ZMYM4: variants seen among roughly 807,000 people sequenced by gnomAD.
The protein encoded by ZMYM4 is zinc finger MYM-type protein 4.
A neutral mutation model predicts 183.2 loss-of-function variants in ZMYM4; 31 were observed. The observed-to-expected ratio is 0.17, with a 90% CI of 0.13 to 0.23. The LOEUF is 0.23. Among genes scored for constraint, ZMYM4 ranks in the 10% least tolerant of loss-of-function variants. The pLI is 1.00. For missense variants in ZMYM4, 1,273 were observed against 1,840.3 expected (o/e 0.69, Z 5.64); for synonymous variants, 592 against 631.2 (o/e 0.94, Z 0.93).
chr1:35,349,131 G>T (rs1213973326), intron 2 of ZMYM4, among the ~76,000 whole-genome samples: 1 of 152,112 alleles, frequency 6.6e-6, no homozygotes, highest in African/African-American at 2.4e-5. Flanking sequence ...GAGTGGCTGG[G>T]ATTACAGGCA....
chr1:35,344,255 T>C (rs907586688), intron 2 of ZMYM4, among the ~76,000 whole-genome samples: 1 of 152,006 alleles, frequency 6.6e-6, no homozygotes, highest in African/African-American at 2.4e-5. Context: ...GGTTTCTCCA[T>C]GTTGGCCAGG....
intron 18 of ZMYM4, among the ~76,000 whole-genome samples, chr1:35,395,198 C>A (rs990120177): frequency 7.5e-6 from 1 of 132,786 alleles, no homozygotes; most frequent in Non-Finnish European, 1.7e-5. Flanking sequence ...TGATTTAGTT[C>A]TTTTTTTTTT....
intron 2 of ZMYM4, among the ~76,000 whole-genome samples, chr1:35,347,197 G>C (rs1558048463): frequency 1.3e-5 from 2 of 152,164 alleles, no homozygotes. Flanking sequence ...AGTAGAGACA[G>C]GGTTTCACCA....
chr1:35,405,593 C>T, intron 25 of ZMYM4, 125 bp downstream of exon 25: 1 of 781,918 alleles, frequency 1.3e-6, no homozygotes, highest in Non-Finnish European at 1.9e-6. Flanking sequence ...AGAAATTAAT[C>T]TTATCCCGTT....
intron 28 of ZMYM4, among the ~76,000 whole-genome samples, chr1:35,417,651 C>A (rs1388831451): frequency 6.6e-6 from 1 of 151,794 alleles, no homozygotes; most frequent in Non-Finnish European, 1.5e-5. Context: ...TGCGGAGATT[C>A]AAGGCTGCTG....
At position 35,382,173 on chromosome 1, in the gene ZMYM4, TACACACATAC is replaced by T. The variant is rs1159980640; in HGVS notation, c.1569+423_1569+432del. ...AAAAAAAAAAACAAAAATGTATATA[TACACACATAC>T]ACACACACACACACACACACACACA... On this transcript the variant is annotated intron_variant, in intron 9 of 29. Coordinates refer to ENST00000314607, the MANE Select transcript of ZMYM4 (RefSeq NM_005095.3). Among the ~76,000 whole-genome samples, 460 of 121,168 alleles carry T rather than the reference TACACACATAC, an allele frequency of 3.8e-3. 4 individuals carry two copies. The highest frequency in any genetic ancestry group is 0.017 in the African/African-American group (445 of 25,440). 79.5% of individuals were successfully genotyped at this position (121,168 alleles called of 152,430 possible).
At chr1:35,360,917 T>C (rs494085) in intron 3 of ZMYM4, among the ~76,000 whole-genome samples, 49,872 of 150,844 alleles carry the variant, frequency 0.33, 13,911 homozygotes, top group East Asian at 0.77. Flanking sequence ...GGAGAACAAA[T>C]GCAAGCAATT....
chr1:35,373,220 A>C (rs1361984761), intron 7 of ZMYM4, among the ~76,000 whole-genome samples: 1 of 150,360 alleles, frequency 6.7e-6, no homozygotes, highest in Non-Finnish European at 1.5e-5. Flanking sequence ...ATGTCAGTAT[A>C]AATAAATATA....
chr1:35,284,877 C>G (rs905940733), intron 1 of ZMYM4, among the ~76,000 whole-genome samples: 8 of 152,184 alleles, frequency 5.3e-5, no homozygotes, highest in Non-Finnish European at 1.0e-4. Context: ...ACTACCTCAT[C>G]TAGCTGATTA....
At chr1:35,367,060 G>A (rs1198186734) in intron 5 of ZMYM4, among the ~76,000 whole-genome samples, 1 of 151,572 alleles carries the variant, frequency 6.6e-6, no homozygotes, top group East Asian at 1.9e-4. Flanking sequence ...TAGATTTGAT[G>A]CAATTCTGAT....
At chr1:35,307,970 C>T (rs1480214431) in intron 1 of ZMYM4, among the ~76,000 whole-genome samples, 2 of 152,110 alleles carry the variant, frequency 1.3e-5, no homozygotes, top group Admixed American at 6.6e-5. Flanking sequence ...GCTGGGATTA[C>T]AGGCGCCTGC....
At chr1:35,374,551 C>T (rs1434743286) in intron 7 of ZMYM4, among the ~76,000 whole-genome samples, 1 of 151,724 alleles carries the variant, frequency 6.6e-6, no homozygotes, top group African/African-American at 2.4e-5. Flanking sequence ...TGTAGTCCCA[C>T]CTACTCAGGA....
intron 2 of ZMYM4, among the ~76,000 whole-genome samples, chr1:35,353,639 C>T (rs1570419991): frequency 6.6e-6 from 1 of 152,142 alleles, no homozygotes; most frequent in South Asian, 2.1e-4. Context: ...CTGCTGAGAT[C>T]GTAGTGTTCT....
intron 1 of ZMYM4, among the ~76,000 whole-genome samples, chr1:35,312,958 A>G (rs1208608439): frequency 6.6e-5 from 10 of 152,230 alleles, no homozygotes; most frequent in Admixed American, 1.3e-4. Flanking sequence ...CAGTGGCACG[A>G]TCTTAGCTCA....
intron 23 of ZMYM4, among the ~76,000 whole-genome samples, chr1:35,403,600 A>G (rs1416179251): frequency 6.6e-6 from 1 of 151,926 alleles, no homozygotes; most frequent in African/African-American, 2.4e-5. Flanking sequence ...GAAGGTTTTG[A>G]GTGTCCCTGT....
chr1:35,299,669 T>C (rs1435008879), intron 1 of ZMYM4, among the ~76,000 whole-genome samples: 1 of 152,244 alleles, frequency 6.6e-6, no homozygotes, highest in Non-Finnish European at 1.5e-5. Context: ...TCAGTCTGAA[T>C]AGTTGCCTGG....
chr1:35,373,482 A>G (rs567373210), intron 7 of ZMYM4, among the ~76,000 whole-genome samples: 2 of 146,982 alleles, frequency 1.4e-5, no homozygotes, highest in South Asian at 4.3e-4. Context: ...GGTTAACGCC[A>G]TTCTCCTGCC....
At chr1:35,374,707 T>C (rs1644297930) in intron 7 of ZMYM4, among the ~76,000 whole-genome samples, 1 of 152,016 alleles carries the variant, frequency 6.6e-6, no homozygotes, top group Non-Finnish European at 1.5e-5. Flanking sequence ...GATTTTTTTT[T>C]TTAAAGATTT....
At chr1:35,375,772 T>C (rs1644321275) in intron 7 of ZMYM4, among the ~76,000 whole-genome samples, 1 of 152,208 alleles carries the variant, frequency 6.6e-6, no homozygotes, top group Non-Finnish European at 1.5e-5. Context: ...GACCTAATAA[T>C]TTGTTTTAAA....
Sources: gnomAD v4.1 joint callset for allele counts (sites outside exome capture counted in the v4.1 genomes callset) on GRCh38, gnomAD v4.1.1 for gene constraint, MANE v1.5 for transcripts, NCBI Gene and HGNC (gene_info 2026-07-23, HGNC 2026-07-21) for gene names.